GRIK2: variants seen among roughly 807,000 people sequenced by gnomAD.
GRIK2 encodes glutamate receptor ionotropic, kainate 2.
In GRIK2, 32 loss-of-function variants were observed where a neutral mutation model predicts 100.3. That is an observed-to-expected ratio of 0.32 (90% CI 0.24 to 0.43). The LOEUF (loss-of-function observed/expected upper bound fraction) is 0.43. Among genes scored for constraint, GRIK2 ranks in the 20% least tolerant of loss-of-function variants. The pLI is 1.00. For synonymous variants in GRIK2, 417 were observed against 389.4 expected (o/e 1.07, Z -0.83); for missense variants, 843 against 1,114.9 (o/e 0.76, Z 3.47).
intron 4 of GRIK2, among the ~76,000 whole-genome samples, chr6:101,641,387 T>C (rs1344962183): frequency 1.3e-5 from 2 of 152,024 alleles, no homozygotes; most frequent in African/African-American, 2.4e-5. Context: ...AAGTCAGCTC[T>C]TAAAATCTTA....
chr6:101,440,393 G>C (rs1322567291), intron 2 of GRIK2, among the ~76,000 whole-genome samples: 1 of 152,154 alleles, frequency 6.6e-6, no homozygotes. Flanking sequence ...CAGTTATTAA[G>C]ATAATCCTGC....
At chr6:101,898,298 CAT>C (rs1466429889) in intron 12 of GRIK2, among the ~76,000 whole-genome samples, 6 of 151,776 alleles carry the variant, frequency 4.0e-5, no homozygotes, top group East Asian at 1.9e-4. Context: ...AAATGGAAAA[CAT>C]ATTCAGAAAA....
chr6:101,865,846 G>A (rs752551980), intron 11 of GRIK2, among the ~76,000 whole-genome samples: 7 of 148,366 alleles, frequency 4.7e-5, no homozygotes, highest in Non-Finnish European at 8.9e-5. Context: ...CTGAGATCAC[G>A]CCACTAAACT....
chr6:102,045,324 C>T (rs949865983), intron 15 of GRIK2, among the ~76,000 whole-genome samples: 11 of 152,060 alleles, frequency 7.2e-5, no homozygotes, highest in African/African-American at 1.9e-4. Context: ...TGATAACAGG[C>T]GTAAGAATGA....
chr6:101,540,713 T>A (rs9390758), intron 2 of GRIK2, among the ~76,000 whole-genome samples: 51,571 of 151,808 alleles, frequency 0.34, 9,048 homozygotes, highest in South Asian at 0.46. Context: ...TTTCTAAAAC[T>A]GTGAATAAGA....
intron 2 of GRIK2, among the ~76,000 whole-genome samples, chr6:101,454,736 A>C (rs556461203): frequency 1.3e-5 from 2 of 152,198 alleles, no homozygotes; most frequent in Admixed American, 1.3e-4. Flanking sequence ...GAAACCATAA[A>C]GTTGTTTTTT....
At chr6:101,806,595 CAGA>C (rs1180375477) in intron 9 of GRIK2, among the ~76,000 whole-genome samples, 1 of 150,618 alleles carries the variant, frequency 6.6e-6, no homozygotes, top group Non-Finnish European at 1.5e-5. Flanking sequence ...ATCATGTTCT[CAGA>C]TATTTTCTTC....
chr6:102,041,266 C>T (rs1169643706), intron 15 of GRIK2, among the ~76,000 whole-genome samples: 1 of 151,594 alleles, frequency 6.6e-6, no homozygotes, highest in Non-Finnish European at 1.5e-5. Context: ...GGATAATTCT[C>T]ATAAAACAGA....
At chr6:101,610,282 A>G (rs575400688) in intron 2 of GRIK2, among the ~76,000 whole-genome samples, 50 of 151,760 alleles carry the variant, frequency 3.3e-4, no homozygotes, top group African/African-American at 1.2e-3. Context: ...CAAATTACAT[A>G]TGTAGATTGC....
chr6:101,728,043 G>T (rs953688489), intron 7 of GRIK2, among the ~76,000 whole-genome samples: 1 of 151,856 alleles, frequency 6.6e-6, no homozygotes, highest in East Asian at 1.9e-4. Flanking sequence ...TCCAAATGCA[G>T]AAAAAATTGA....
chr6:101,934,476 A>G (rs1345858132), intron 14 of GRIK2, among the ~76,000 whole-genome samples: 1 of 151,866 alleles, frequency 6.6e-6, no homozygotes, highest in East Asian at 1.9e-4. Flanking sequence ...GGGTGATAGT[A>G]TATGTTTTGA....
At chr6:101,996,652 C>T (rs894877817) in intron 14 of GRIK2, among the ~76,000 whole-genome samples, 6 of 151,982 alleles carry the variant, frequency 3.9e-5, no homozygotes, top group Non-Finnish European at 8.8e-5. Context: ...GAAGAGTAGA[C>T]GTATTTTGCA....
intron 2 of GRIK2, among the ~76,000 whole-genome samples, chr6:101,487,756 C>T (rs1349631645): frequency 6.9e-6 from 1 of 145,956 alleles, no homozygotes; most frequent in Non-Finnish European, 1.5e-5. Context: ...CTTTTTTGTT[C>T]TAGTGTTATG....
At chr6:101,739,581 T>C (rs1207050766) in intron 7 of GRIK2, among the ~76,000 whole-genome samples, 3 of 152,222 alleles carry the variant, frequency 2.0e-5, no homozygotes, top group African/African-American at 7.2e-5. Context: ...TATTTCATTG[T>C]TTTTAATGAA....
chr6:101,767,590 A>G (rs1045764267), intron 7 of GRIK2, among the ~76,000 whole-genome samples: 5 of 152,136 alleles, frequency 3.3e-5, no homozygotes, highest in Non-Finnish European at 4.4e-5. Context: ...AGATTTTTTT[A>G]AAGCAAATTA....
chr6:101,527,466 T>C (rs928596112), intron 2 of GRIK2, among the ~76,000 whole-genome samples: 1 of 152,174 alleles, frequency 6.6e-6, no homozygotes, highest in Non-Finnish European at 1.5e-5. Flanking sequence ...AAGGCAGATA[T>C]ATTATGATCA....
At chr6:101,779,641 G>C (rs1374894262) in intron 7 of GRIK2, among the ~76,000 whole-genome samples, 1 of 152,154 alleles carries the variant, frequency 6.6e-6, no homozygotes. Context: ...TAGCAGTGAA[G>C]CAGGTAGGGC....
intron 10 of GRIK2, among the ~76,000 whole-genome samples, chr6:101,819,978 AG>A (rs908156892): frequency 4.6e-5 from 7 of 152,128 alleles, no homozygotes; most frequent in African/African-American, 1.7e-4. Context: ...TTTTATATAT[AG>A]GGTCCTCTAT....
chr6:101,420,408 G>GAAATTGCTA (rs1776355953), intron 2 of GRIK2, among the ~76,000 whole-genome samples: 1 of 152,174 alleles, frequency 6.6e-6, no homozygotes, highest in Non-Finnish European at 1.5e-5. Context: ...TGAACCATAT[G>GAAATTGCTA]AAATTGCTAA....
Sources: gnomAD v4.1 joint callset for allele counts (sites outside exome capture counted in the v4.1 genomes callset) on GRCh38, gnomAD v4.1.1 for gene constraint, MANE v1.5 for transcripts, NCBI Gene and HGNC (gene_info 2026-07-23, HGNC 2026-07-21) for gene names.